BICC1: variants seen among roughly 807,000 people sequenced by gnomAD.
The protein encoded by BICC1 is BicC family RNA binding protein 1, also known as protein bicaudal C homolog 1.
BICC1 carries 43 observed loss-of-function variants against 111.0 expected under a neutral mutation model. That is an observed-to-expected ratio of 0.39 (90% CI 0.30 to 0.50). The LOEUF is 0.50. BICC1 is among the 20% of genes least tolerant of loss of function. The pLI is 0.88. For synonymous variants in BICC1, 467 were observed against 434.4 expected, an observed-to-expected ratio of 1.07 and a Z score of -0.93; for missense variants, 1,091 against 1,203.2, an observed-to-expected ratio of 0.91 and a Z score of 1.38.
At chr10:58,584,183 T>C (rs1325149679) in intron 1 of BICC1, among the ~76,000 whole-genome samples, 1 of 152,140 alleles carries the variant, frequency 6.6e-6, no homozygotes, top group East Asian at 1.9e-4. Flanking sequence ...CTTAATGATA[T>C]CTCAACCAGA....
intron 1 of BICC1, among the ~76,000 whole-genome samples, chr10:58,612,436 A>G (rs957960799): frequency 6.6e-6 from 1 of 152,224 alleles, no homozygotes; most frequent in Admixed American, 6.5e-5. Context: ...AATATATGGC[A>G]TAGCTCTTTT....
rs990206934 is a variant in BICC1, at chr10:58,543,300, T to C, written c.190+29967T>C. On this transcript the variant is annotated intron_variant, in intron 1 of 20. Coordinates refer to ENST00000373886, the MANE Select transcript of BICC1 (RefSeq NM_001080512.3). ...CACATGATTCCACTTACATGAGGTATCTAAAATAGCCATACTCTTAGAAAC... is the reference window on the plus strand; with the variant it reads ...CACATGATTCCACTTACATGAGGTACCTAAAATAGCCATACTCTTAGAAAC... Among the ~76,000 whole-genome samples the C allele has an allele frequency of 6.1e-4, 93 of 152,088 alleles. 4 individuals are homozygous for C. Among genetic ancestry groups the C allele is most frequent in the African/African-American group, 2.4e-5 (1 of 41,418 alleles).
chr10:58,677,636 C>G (rs1332369944), intron 2 of BICC1, among the ~76,000 whole-genome samples: 2 of 152,176 alleles, frequency 1.3e-5, no homozygotes, highest in African/African-American at 2.4e-5. Context: ...AGGCTGTTCT[C>G]CAGGAGAACT....
chr10:58,524,725 C>A (rs1842483765), intron 1 of BICC1, among the ~76,000 whole-genome samples: 1 of 151,890 alleles, frequency 6.6e-6, no homozygotes, highest in Non-Finnish European at 1.5e-5. Flanking sequence ...TCTAATTAAA[C>A]TAAAGAGCTT....
chr10:58,673,033 T>G (rs1839229171), intron 2 of BICC1, among the ~76,000 whole-genome samples: 1 of 152,212 alleles, frequency 6.6e-6, no homozygotes, highest in Non-Finnish European at 1.5e-5. Context: ...GAATGCAATC[T>G]TAGGACATCT....
chr10:58,657,930 A>G (rs1331963841), intron 2 of BICC1, among the ~76,000 whole-genome samples: 2 of 152,168 alleles, frequency 1.3e-5, no homozygotes, highest in African/African-American at 4.8e-5. Context: ...TAGAGGAGTG[A>G]ATTTTCAACC....
intron 19 of BICC1, among the ~76,000 whole-genome samples, chr10:58,819,597 T>C (rs1940636422): frequency 6.6e-6 from 1 of 152,192 alleles, no homozygotes; most frequent in African/African-American, 2.4e-5. Flanking sequence ...TACCTGCCAA[T>C]TGTCTTATTT....
chr10:58,558,660 C>T lies in BICC1; in HGVS notation c.190+45327C>T, dbSNP rs563508761. ...CTTAATCTTAACTCTAAGCAACATT[C>T]TTAGTTTCTTAGTTCACAGGTGCTG... is the stretch of plus-strand genomic sequence containing the variant. On this transcript the variant is annotated intron_variant, in intron 1 of 20. Transcript: ENST00000373886. Among the ~76,000 whole-genome samples, 28 of 152,184 alleles carry T rather than the reference C, an allele frequency of 1.8e-4. 2 individuals carry two copies. In the South Asian group the frequency reaches 5.8e-3, roughly 32 times the overall value.
chr10:58,598,211 G>A (rs1035535842), intron 1 of BICC1, among the ~76,000 whole-genome samples: 13 of 152,052 alleles, frequency 8.5e-5, no homozygotes, highest in African/African-American at 3.1e-4. Context: ...ACAGTCCTGG[G>A]CAAGAAGAAC....
chr10:58,736,179 A>C (rs1841460674), intron 3 of BICC1, among the ~76,000 whole-genome samples: 1 of 152,120 alleles, frequency 6.6e-6, no homozygotes, highest in African/African-American at 2.4e-5. Context: ...AGAGCTTCAG[A>C]CTGTGATGCA....
intron 16 of BICC1, 59 bp downstream of exon 16, chr10:58,806,682 T>A: frequency 7.1e-7 from 1 of 1,403,602 alleles, no homozygotes; most frequent in Non-Finnish European, 1.0e-6. Flanking sequence ...ATAAATGTTT[T>A]TTGAGTACTC....
At chr10:58,648,585 C>T (rs1037388825) in intron 2 of BICC1, 2 of 861,472 alleles carry the variant, frequency 2.3e-6, no homozygotes, top group African/African-American at 1.8e-5. Context: ...TGTTTAGTGC[C>T]TCTCTCTCTC....
At chr10:58,790,652 C>T (rs1843149047) in intron 8 of BICC1, among the ~76,000 whole-genome samples, 1 of 151,998 alleles carries the variant, frequency 6.6e-6, no homozygotes. Flanking sequence ...ATAGTGAAAC[C>T]CCATTTCTAC....
intron 3 of BICC1, among the ~76,000 whole-genome samples, chr10:58,755,796 G>A (rs1842127240): frequency 6.6e-6 from 1 of 151,954 alleles, no homozygotes; most frequent in South Asian, 2.1e-4. Flanking sequence ...TGATTCCACA[G>A]AGTTACAGCC....
chr10:58,579,290 G>T (rs931594607), intron 1 of BICC1, among the ~76,000 whole-genome samples: 4 of 152,220 alleles, frequency 2.6e-5, no homozygotes, highest in African/African-American at 9.6e-5. Flanking sequence ...CCTTGCTGGA[G>T]AGAAGACACT....
chr10:58,524,898 G>A (rs899989928), intron 1 of BICC1, among the ~76,000 whole-genome samples: 6 of 151,906 alleles, frequency 3.9e-5, no homozygotes, highest in Non-Finnish European at 5.9e-5. Flanking sequence ...ACAAGTGGGC[G>A]AAGGATATGA....
chr10:58,813,258 T>G (rs1843969254), intron 17 of BICC1, among the ~76,000 whole-genome samples: 1 of 152,142 alleles, frequency 6.6e-6, no homozygotes, highest in Non-Finnish European at 1.5e-5. Context: ...TTTTAAATTA[T>G]TTTTGTTTTT....
intron 1 of BICC1, among the ~76,000 whole-genome samples, chr10:58,568,303 C>G (rs1333570180): frequency 6.6e-6 from 1 of 152,098 alleles, no homozygotes; most frequent in Non-Finnish European, 1.5e-5. Context: ...CTGACAGATG[C>G]CAAGTAGAGC....
intron 1 of BICC1, among the ~76,000 whole-genome samples, chr10:58,605,601 A>C (rs1258162751): frequency 6.6e-6 from 1 of 152,208 alleles, no homozygotes; most frequent in Non-Finnish European, 1.5e-5. Context: ...AAATGGGATA[A>C]TATTTGGATA....
Sources: gnomAD v4.1 joint callset for allele counts (sites outside exome capture counted in the v4.1 genomes callset) on GRCh38, gnomAD v4.1.1 for gene constraint, MANE v1.5 for transcripts, NCBI Gene and HGNC (gene_info 2026-07-23, HGNC 2026-07-21) for gene names.